The following CACNA1H variants were observed in gnomAD, a reference collection of about 807,000 sequenced individuals.
CACNA1H encodes the protein calcium voltage-gated channel subunit alpha1 H.
Under a neutral mutation model 192.5 loss-of-function variants are expected in CACNA1H, and 149 were observed. The ratio of observed to expected loss-of-function variants is 0.77; its 90% confidence interval spans 0.68 to 0.89. CACNA1H has a LOEUF of 0.89. CACNA1H is among the 40% of genes least tolerant of loss of function. The probability of loss-of-function intolerance (pLI) is 0.00; values close to 1 mark genes in which losing one functional copy is unlikely to be tolerated. For synonymous variants in CACNA1H, 2,202 were observed against 1,475.2 expected, an observed-to-expected ratio of 1.49 and a Z score of -11.29; for missense variants, 4,257 against 3,423.5, an observed-to-expected ratio of 1.24 and a Z score of -6.08.
At position 1,209,344 on chromosome 16, in the gene CACNA1H, A is replaced by C; in HGVS notation, c.3676A>C (p.Ser1226Arg). 2 of 1,597,676 alleles carry C rather than the reference A, an allele frequency of 1.3e-6. No homozygotes were observed. The highest frequency in any genetic ancestry group is 2.7e-5 in the African/African-American group (2 of 74,980). Residue 1226 changes from serine (S) to arginine (R), a missense_variant, in exon 17 of 35, where the codon AGC becomes CGC. Transcript: ENST00000348261. Reference protein sequence around the residue: ...DRDGQVVALPSDFFLRIDSHR... With the variant: ...DRDGQVVALPRDFFLRIDSHR... ...CGACGGGCAGGTGGTGGCCCTGCCCAGCGACTTCTTCCTGCGCATCGACAG... is the reference window on the plus strand; with the variant it reads ...CGACGGGCAGGTGGTGGCCCTGCCCCGCGACTTCTTCCTGCGCATCGACAG...
chr16:1,200,168 A>G, intron 6 of CACNA1H, 88 bp from the exon 7 acceptor site: 2 of 1,113,962 alleles, frequency 1.8e-6, no homozygotes, highest in South Asian at 1.5e-5. Context: ...CCTGACCTTG[A>G]TCACGTCCCT....
chr16:1,210,268 C>A, intron 18 of CACNA1H, 102 bp from the exon 19 acceptor site: 1 of 1,257,050 alleles, frequency 8.0e-7, no homozygotes, highest in Non-Finnish European at 1.1e-6. Context: ...CCGCAGGGAC[C>A]GGGGCTGAAG....
chr16:1,200,249 T>G lies in CACNA1H; in HGVS notation c.804-7T>G. The G allele has an allele frequency of 1.3e-6, 2 of 1,589,676 alleles. No individual in the cohort carries two copies. The highest frequency in any genetic ancestry group is 1.7e-6 in the Non-Finnish European group (2 of 1,167,040). On this transcript the variant is annotated splice_region_variant and splice_polypyrimidine_tract_variant and intron_variant, in intron 6 of 34. Transcript: ENST00000348261. ...TACCTTTTGGCCCTGGCTGTGCCCA[T>G]CCCCAGGAACAACAACCTGACCTTC...
At chr16:1,176,160 C>T (rs1448553432) in intron 2 of CACNA1H, among the ~76,000 whole-genome samples, 1 of 152,254 alleles carries the variant, frequency 6.6e-6, no homozygotes, top group Admixed American at 6.5e-5. Flanking sequence ...TCAGCCTAAC[C>T]CATTAAACAT....
intron 2 of CACNA1H, among the ~76,000 whole-genome samples, chr16:1,193,951 C>A (rs141438634): frequency 2.6e-5 from 4 of 152,132 alleles, no homozygotes; most frequent in Non-Finnish European, 5.9e-5. Context: ...CAGACCCTGA[C>A]CCCAGTGCTG....
intron 2 of CACNA1H, among the ~76,000 whole-genome samples, chr16:1,169,284 G>A (rs890399105): frequency 2.6e-5 from 4 of 152,146 alleles, no homozygotes; most frequent in African/African-American, 7.2e-5. Flanking sequence ...GCTGGTGGCC[G>A]AATCTGCCCC....
Position 1,208,125 on chromosome 16 carries a change from G to A in CACNA1H, c.3267G>A (p.Lys1089=), listed in dbSNP as rs1456869673. Residue 1089 remains lysine, a synonymous_variant, in exon 16 of 35, where the codon AAG becomes AAA. Coordinates refer to ENST00000348261, the MANE Select transcript of CACNA1H (RefSeq NM_021098.3). ...CTGCCACGCCCATGCCTACCCCCAA[G>A]AGCTCACCATTCCTGGATGCAGCCC... ...CTAATPMPTP[K]SSPFLDAAPS... 6.3e-7 allele frequency: 1 copy of A among 1,593,478 alleles called. No homozygotes were observed. The highest frequency in any genetic ancestry group is 8.5e-7 in the Non-Finnish European group (1 of 1,171,486).
intron 30 of CACNA1H, among the ~76,000 whole-genome samples, chr16:1,216,272 C>T (rs1004330292): frequency 1.1e-4 from 16 of 152,258 alleles, no homozygotes; most frequent in Admixed American, 6.5e-4. Flanking sequence ...CTCACCCTGT[C>T]CTCAGCGGCG....
Position 1,211,107 on chromosome 16 carries a change from C to G in CACNA1H, c.4224-61C>G, listed in dbSNP as rs1158540038. 6 of 1,590,826 alleles carry G rather than the reference C, an allele frequency of 3.8e-6. No individual in the cohort carries two copies. In the African/African-American group the frequency reaches 8.1e-5, roughly 21 times the overall value. ...CCCACCTTGGGACCTTTGCTGAGCT[C>G]TGCCGGCGCCTGGCAGCTGCTGCCA... On this transcript the variant is annotated intron_variant, in intron 21 of 34. Transcript: ENST00000348261.
intron 2 of CACNA1H, among the ~76,000 whole-genome samples, chr16:1,190,993 C>T (rs866323781): frequency 3.1e-4 from 45 of 146,918 alleles, no homozygotes; most frequent in African/African-American, 1.0e-3. Flanking sequence ...GGTGACCCAG[C>T]AGGCTGCCCT....
chr16:1,204,180 C>A lies in CACNA1H; in HGVS notation c.2173C>A (p.Arg725Ser), dbSNP rs764438301. ...SGSESGDSDG[R>S]GVYEFTQDVR... is the part of the protein sequence containing the mutation. ...CTCGGAAAGTGGAGACTCAGATGGCCGTGGCGTCTATGAATTCACGCAGGA... is the reference window on the plus strand; with the variant it reads ...CTCGGAAAGTGGAGACTCAGATGGCAGTGGCGTCTATGAATTCACGCAGGA... Residue 725 changes from arginine to serine, a missense_variant, in exon 10 of 35, where the codon CGT becomes AGT. By Grantham distance (110) the Arg-to-Ser change is moderately radical. Coordinates refer to ENST00000348261, the MANE Select transcript of CACNA1H (RefSeq NM_021098.3). 1 of 1,612,304 alleles carries A rather than the reference C, an allele frequency of 6.2e-7. No individual in the cohort carries two copies. Among genetic ancestry groups the A allele is most frequent in the Non-Finnish European group, 8.5e-7 (1 of 1,179,714 alleles).
intron 9 of CACNA1H, among the ~76,000 whole-genome samples, chr16:1,203,703 C>T (rs2050115): frequency 6.6e-6 from 1 of 152,112 alleles, no homozygotes; most frequent in Non-Finnish European, 1.5e-5. Context: ...TTTTGCAAGT[C>T]CCCGGCTTGT....
In CACNA1H at chr16:1,204,400, G is replaced by C. The variant is rs758844303; in HGVS notation, c.2393G>C (p.Gly798Ala). 4.5e-6 allele frequency: 7 copies of C among 1,555,866 alleles called. No homozygotes were observed. In the South Asian group the frequency reaches 8.7e-5, roughly 19 times the overall value. Reference protein sequence around the residue: ...RIVDSKYFSRGIMMAILVNTL... With the variant: ...RIVDSKYFSRAIMMAILVNTL... ...GTGGACAGCAAGTACTTCAGCCGTG[G>C]CATCATGATGGCCATCCTTGTCAAC... Residue 798 changes from glycine to alanine, a missense_variant, in exon 10 of 35, where the codon GGC becomes GCC. By Grantham distance (60) the Gly-to-Ala change is moderately conservative. Transcript: ENST00000348261.
At chr16:1,159,026 C>T (rs2151637171) in intron 2 of CACNA1H, among the ~76,000 whole-genome samples, 1 of 152,362 alleles carries the variant, frequency 6.6e-6, no homozygotes, top group East Asian at 1.9e-4. Flanking sequence ...TGACTGACCT[C>T]AGGGCCCCTG....
intron 2 of CACNA1H, among the ~76,000 whole-genome samples, chr16:1,179,012 C>T (rs1228650807): frequency 6.6e-6 from 1 of 152,234 alleles, no homozygotes; most frequent in Admixed American, 6.5e-5. Context: ...TCTGTGACCT[C>T]TGTCAGGTCA....
At chr16:1,201,549 G>A (rs1055130566) in intron 8 of CACNA1H, 114 bp from the exon 9 acceptor site, 33 of 1,299,282 alleles carry the variant, frequency 2.5e-5, no homozygotes, top group Non-Finnish European at 2.9e-5. Flanking sequence ...AGGGCACCTC[G>A]CCCACTGTGC....
chr16:1,206,217 T>C lies in CACNA1H; in HGVS notation c.2717T>C (p.Val906Ala). Residue 906 changes from valine to alanine, a missense_variant, in exon 12 of 35, where the codon GTG becomes GCG. Val to Ala is a moderately conservative substitution (Grantham distance 64, BLOSUM62 0). Transcript: ENST00000348261. Reference protein sequence around the residue: ...RFLPALRRQLVVLVKTMDNVA... With the variant: ...RFLPALRRQLAVLVKTMDNVA... ...CTGCCAGCCCTGCGGCGCCAGCTCG[T>C]GGTGCTGGTGAAGACCATGGACAAC... 4 of 1,592,840 alleles carry C rather than the reference T, an allele frequency of 2.5e-6. No homozygotes were observed. The highest frequency in any genetic ancestry group is 2.6e-6 in the Non-Finnish European group (3 of 1,170,652).
At position 1,154,170 on chromosome 16, in the gene CACNA1H, G is replaced by A. The variant is rs1305849595; in HGVS notation, c.299+134G>A. The A allele has an allele frequency of 5.9e-5, 35 of 596,660 alleles. No homozygotes were observed. The Admixed American group carries it at 1.1e-3, about 18-fold the overall frequency. The allele number at this position is 596,660 out of a possible 1,614,324, so 37.0% of individuals were successfully genotyped here. ...ACCTGGCGTGGGCCGGGCGCGCGGG[G>A]GTGCAGGGCAGGGGCTGGAGGACCG... On this transcript the variant is annotated intron_variant, in intron 2 of 34. Coordinates refer to ENST00000348261, the MANE Select transcript of CACNA1H (RefSeq NM_021098.3).
chr16:1,162,724 C>G (rs570809113), intron 2 of CACNA1H, among the ~76,000 whole-genome samples: 1 of 151,510 alleles, frequency 6.6e-6, no homozygotes, highest in South Asian at 2.1e-4. Context: ...CTCTGGTGAG[C>G]AGGGAACAAG....
Sources: gnomAD v4.1 joint callset for allele counts (sites outside exome capture counted in the v4.1 genomes callset) on GRCh38, gnomAD v4.1.1 for gene constraint, MANE v1.5 for transcripts, NCBI Gene and HGNC (gene_info 2026-07-23, HGNC 2026-07-21) for gene names.